The following KLF12 variants were observed in gnomAD, a reference collection of about 807,000 sequenced individuals.
KLF12 encodes the protein Krueppel-like factor 12.
KLF12 carries 9 observed loss-of-function variants against 37.8 expected under a neutral mutation model. That is an observed-to-expected ratio of 0.24 (90% CI 0.14 to 0.42). KLF12 has a LOEUF of 0.42. Ranked by LOEUF, KLF12 falls within the 10% of genes least tolerant of loss-of-function variation. KLF12 has a pLI of 1.00. For missense variants in KLF12, 411 were observed against 516.0 expected (o/e 0.80, Z 1.97); for synonymous variants, 208 against 202.1 (o/e 1.03, Z -0.25).
the KLF12 span, among the ~76,000 whole-genome samples, chr13:74,243,520 G>C: frequency 6.6e-6 from 1 of 152,098 alleles, no homozygotes; most frequent in South Asian, 2.1e-4. Context: ...GATCCTTGAG[G>C]AATTGTCACA....
At chr13:73,990,021 C>T (rs1029320584) in intron 2 of KLF12, among the ~76,000 whole-genome samples, 10 of 152,000 alleles carry the variant, frequency 6.6e-5, no homozygotes, top group South Asian at 4.2e-4. Flanking sequence ...GAAAATAAGT[C>T]GACATAGCTA....
chr13:73,784,952 CTCTT>C lies in KLF12; in HGVS notation c.807-19956_807-19953del, dbSNP rs1881241110. Among the ~76,000 whole-genome samples the C allele has an allele frequency of 2.6e-5, 4 of 152,034 alleles. No homozygotes were observed. The South Asian group carries it at 8.4e-4, about 32-fold the overall frequency. On this transcript the variant is annotated intron_variant, in intron 5 of 7. Coordinates refer to ENST00000377669, the MANE Select transcript of KLF12 (RefSeq NM_007249.5). ...CGCCCGGCCTCATCTCCTTCTTTAG[CTCTT>C]TCTTTACCTCCTCTACCCTGTCTGC...
At chr13:74,061,089 A>T (rs1873566488) in intron 1 of KLF12, among the ~76,000 whole-genome samples, 1 of 152,228 alleles carries the variant, frequency 6.6e-6, no homozygotes, top group South Asian at 2.1e-4. Flanking sequence ...TGTACAATAA[A>T]GTAACATTCA....
intron 1 of KLF12, among the ~76,000 whole-genome samples, chr13:74,085,038 A>G (rs1875181167): frequency 6.6e-6 from 1 of 152,196 alleles, no homozygotes; most frequent in Non-Finnish European, 1.5e-5. Context: ...GATCCATTAA[A>G]CAAGCAAGCC....
intron 4 of KLF12, among the ~76,000 whole-genome samples, chr13:73,826,197 T>G (rs1164724483): frequency 1.3e-5 from 2 of 151,972 alleles, no homozygotes; most frequent in Non-Finnish European, 2.9e-5. Flanking sequence ...ATTGTCTCTA[T>G]CTCCTGACCT....
chr13:74,270,992 G>A, the KLF12 span, among the ~76,000 whole-genome samples: 15 of 152,160 alleles, frequency 9.9e-5, no homozygotes, highest in Admixed American at 2.0e-4. Flanking sequence ...GAACTGGGCC[G>A]CACAGAAGGA....
intron 1 of KLF12, among the ~76,000 whole-genome samples, chr13:74,122,278 A>T (rs564367967): frequency 6.6e-6 from 1 of 152,250 alleles, no homozygotes; most frequent in African/African-American, 2.4e-5. Context: ...ATATGAAAGG[A>T]CAATTCTTAG....
chr13:74,221,831 A>G, the KLF12 span, among the ~76,000 whole-genome samples: 5 of 152,162 alleles, frequency 3.3e-5, no homozygotes, highest in African/African-American at 9.7e-5. Context: ...ATTTCCTACC[A>G]AAGTCTACTC....
intron 2 of KLF12, chr13:73,961,918 G>A (rs1053914452): frequency 1.2e-5 from 5 of 429,952 alleles, no homozygotes; most frequent in African/African-American, 1.0e-4. Context: ...CAGCCACTTT[G>A]GATGACAGTT....
At chr13:73,829,943 A>T (rs1278783048) in intron 4 of KLF12, among the ~76,000 whole-genome samples, 1 of 152,218 alleles carries the variant, frequency 6.6e-6, no homozygotes, top group Non-Finnish European at 1.5e-5. Flanking sequence ...TTTATATCAG[A>T]TCACACAAAA....
At chr13:74,274,660 C>T in the KLF12 span, among the ~76,000 whole-genome samples, 6 of 151,264 alleles carry the variant, frequency 4.0e-5, no homozygotes, top group South Asian at 4.2e-4. Context: ...GCTAGTTTGG[C>T]GGCTCATTCC....
intron 6 of KLF12, among the ~76,000 whole-genome samples, chr13:73,723,390 A>C (rs1876419850): frequency 6.6e-6 from 1 of 152,202 alleles, no homozygotes; most frequent in Non-Finnish European, 1.5e-5. Flanking sequence ...GAAGACACAT[A>C]ACATACTTAA....
At chr13:74,245,293 T>TTATCTATC in the KLF12 span, among the ~76,000 whole-genome samples, 1,630 of 149,084 alleles carry the variant, frequency 0.011, 8 homozygotes, top group Non-Finnish European at 0.013. Context: ...GGAGATAAGT[T>TTATCTATC]TATCTATCTA....
chr13:74,070,042 G>T (rs1874139129), intron 1 of KLF12, among the ~76,000 whole-genome samples: 1 of 152,138 alleles, frequency 6.6e-6, no homozygotes, highest in Admixed American at 6.5e-5. Context: ...ATTACTCTAT[G>T]GGTAGAATTT....
chr13:74,008,222 C>A (rs1176492553), intron 1 of KLF12, among the ~76,000 whole-genome samples: 1 of 152,122 alleles, frequency 6.6e-6, no homozygotes, highest in African/African-American at 2.4e-5. Context: ...CAGACCAATT[C>A]CTAATTTTGA....
chr13:74,019,827 G>A (rs1892795270), intron 1 of KLF12, among the ~76,000 whole-genome samples: 1 of 152,146 alleles, frequency 6.6e-6, no homozygotes, highest in Non-Finnish European at 1.5e-5. Context: ...ATAAACTCAA[G>A]TCCATGGTCC....
chr13:73,724,641 T>A (rs1876524421), intron 6 of KLF12, among the ~76,000 whole-genome samples: 1 of 152,200 alleles, frequency 6.6e-6, no homozygotes, highest in Non-Finnish European at 1.5e-5. Flanking sequence ...AAAATTTTCC[T>A]TACTCTTTGA....
chr13:73,955,719 C>T (rs146994772), intron 2 of KLF12, among the ~76,000 whole-genome samples: 3 of 152,164 alleles, frequency 2.0e-5, no homozygotes, highest in African/African-American at 7.2e-5. Context: ...ATTTAACAAA[C>T]AGATTACTGG....
rs566175847 is a variant in KLF12 at position 73,704,325 on chromosome 13, G to C, written c.1028-8654C>G. Among the ~76,000 whole-genome samples, 33 of 152,214 alleles carry C rather than the reference G, an allele frequency of 2.2e-4. No individual in the cohort carries two copies. The East Asian group carries it at 6.2e-3, about 29-fold the overall frequency. Reference sequence around the variant, plus strand: ...CTTCAATATGAGCAAAACTTGCTCAGCATTTGCCACCTAAACATGTTCCTC... The same window carrying C: ...CTTCAATATGAGCAAAACTTGCTCACCATTTGCCACCTAAACATGTTCCTC... On this transcript the variant is annotated intron_variant, in intron 7 of 7. Coordinates refer to ENST00000377669, the MANE Select transcript of KLF12 (RefSeq NM_007249.5).
Sources: allele counts gnomAD v4.1 joint callset (sites outside exome capture counted in the v4.1 genomes callset), GRCh38; gene constraint gnomAD v4.1.1; transcripts MANE v1.5; gene names NCBI Gene and HGNC (gene_info 2026-07-23, HGNC 2026-07-21).